Variants in SLC2A14 observed in about 807,000 individuals in gnomAD.
The protein encoded by SLC2A14 is solute carrier family 2, facilitated glucose transporter member 14.
SLC2A14 carries 13 observed loss-of-function variants against 43.0 expected under a neutral mutation model. The ratio of observed to expected loss-of-function variants is 0.30; its 90% confidence interval spans 0.20 to 0.48. SLC2A14 has a LOEUF of 0.48. SLC2A14 is among the 20% of genes least tolerant of loss of function. The probability of loss-of-function intolerance (pLI) is 0.99; values close to 1 mark genes in which losing one functional copy is unlikely to be tolerated. For synonymous variants in SLC2A14, 190 were observed against 233.8 expected (o/e 0.81, Z 1.71); for missense variants, 428 against 620.4 (o/e 0.69, Z 3.29).
chr12:7,875,751 T>C (rs1945453316), upstream of SLC2A14, among the ~76,000 whole-genome samples: 1 of 151,984 alleles, frequency 6.6e-6, no homozygotes, highest in Non-Finnish European at 1.5e-5. Flanking sequence ...AGCAGGTGGA[T>C]TACCTGAGGT....
chr12:7,882,513 T>TA (rs1252565838), intron 1 of SLC2A14, among the ~76,000 whole-genome samples: 3 of 151,974 alleles, frequency 2.0e-5, no homozygotes, highest in South Asian at 4.2e-4. Context: ...GAGCGAAACT[T>TA]ACCTCTCAAA....
At chr12:7,849,203 T>C (rs1254145829) in intron 2 of SLC2A14, among the ~76,000 whole-genome samples, 4 of 152,118 alleles carry the variant, frequency 2.6e-5, no homozygotes, top group African/African-American at 9.7e-5. Context: ...AGATAACATC[T>C]TGATAAAAAC....
intron 10 of SLC2A14, among the ~76,000 whole-genome samples, chr12:7,816,884 G>T (rs4447244): frequency 0.76 from 114,712 of 151,638 alleles, 43,641 homozygotes; most frequent in African/African-American, 0.82. Context: ...ATTTTTGTAT[G>T]TTTAGCAGAG....
upstream of SLC2A14, chr12:7,891,155 G>A (rs1408274152): frequency 5.9e-6 from 9 of 1,527,348 alleles, no homozygotes; most frequent in African/African-American, 1.4e-5. Flanking sequence ...TTGTGTGGGA[G>A]CAAAGCCAGC....
chr12:7,880,035 G>A (rs1945538413), intron 1 of SLC2A14, among the ~76,000 whole-genome samples: 1 of 151,208 alleles, frequency 6.6e-6, no homozygotes, highest in South Asian at 2.1e-4. Flanking sequence ...GGGCATCATG[G>A]CTCACACCTA....
At chr12:7,836,129 C>T (rs575399884) in intron 2 of SLC2A14, among the ~76,000 whole-genome samples, 9 of 152,098 alleles carry the variant, frequency 5.9e-5, no homozygotes, top group African/African-American at 1.7e-4. Flanking sequence ...AAATTTGAAT[C>T]GTGTCAGAGT....
chr12:7,826,973 CTCTT>C (rs1453292631), intron 7 of SLC2A14, among the ~76,000 whole-genome samples: 6 of 35,252 alleles, frequency 1.7e-4, no homozygotes, highest in African/African-American at 3.6e-4. Context: ...CTTTCTCTCT[CTCTT>C]TCTCTCCTTT....
chr12:7,864,937 C>T (rs1439484163), intron 2 of SLC2A14, among the ~76,000 whole-genome samples: 2 of 152,072 alleles, frequency 1.3e-5, no homozygotes, highest in Non-Finnish European at 2.9e-5. Flanking sequence ...TCAAATTTAC[C>T]GTAAAGAGGC....
At chr12:7,860,371 G>C (rs1224021310) in intron 2 of SLC2A14, 2 of 152,194 alleles carry the variant, frequency 1.3e-5, no homozygotes, top group Admixed American at 6.5e-5. Flanking sequence ...GGGGCTCTTG[G>C]AGGGACAGCC....
intron 8 of SLC2A14, among the ~76,000 whole-genome samples, chr12:7,820,325 T>C (rs1483561553): frequency 1.3e-5 from 2 of 152,036 alleles, no homozygotes; most frequent in South Asian, 2.1e-4. Flanking sequence ...TGAGCCACTG[T>C]AGCAAATTAA....
At position 7,821,320 on chromosome 12, in the gene SLC2A14, G is replaced by A. The variant is rs1378589089; in HGVS notation, c.870C>T (p.Phe290=). The A allele has an allele frequency of 1.2e-6, 2 of 1,612,528 alleles. No individual in the cohort carries two copies. The change falls in exon 8 of 11, where the codon TTC becomes TTT. Residue 290 remains phenylalanine, a synonymous_variant. Coordinates refer to ENST00000431042, the MANE Select transcript of SLC2A14 (RefSeq NM_001286234.2). The stretch of plus-strand genomic sequence containing the variant: ...CCTTGAAGATTCCTGTTGAGTAATA[G>A]AACACCTAGGAGAAAAGAAAACATG... ...SQQLSGINAV[F]YYSTGIFKDA...
intron 2 of SLC2A14, among the ~76,000 whole-genome samples, chr12:7,853,608 A>G (rs1437835161): frequency 1.3e-5 from 2 of 152,046 alleles, no homozygotes; most frequent in Non-Finnish European, 2.9e-5. Context: ...TCAAGAAAAG[A>G]AAAAGAAAGA....
chr12:7,874,788 A>AATT (rs1945394187), upstream of SLC2A14, among the ~76,000 whole-genome samples: 2 of 48,850 alleles, frequency 4.1e-5, no homozygotes, highest in South Asian at 1.0e-3. Flanking sequence ...TAAATATATA[A>AATT]ATATATAAAT....
intron 2 of SLC2A14, among the ~76,000 whole-genome samples, chr12:7,850,540 C>T (rs763879071): frequency 6.6e-5 from 10 of 152,012 alleles, no homozygotes; most frequent in Non-Finnish European, 1.2e-4. Context: ...GGATTACAGG[C>T]GTGCACCACC....
At chr12:7,855,947 C>G (rs1025558069) in intron 2 of SLC2A14, among the ~76,000 whole-genome samples, 10 of 151,862 alleles carry the variant, frequency 6.6e-5, no homozygotes, top group Non-Finnish European at 1.5e-4. Context: ...CAAAAGCTCC[C>G]TCTCAATGCA....
At chr12:7,832,674 G>A in intron 3 of SLC2A14, 48 bp downstream of exon 3, 3 of 1,597,560 alleles carry the variant, frequency 1.9e-6, no homozygotes, top group Non-Finnish European at 2.6e-6. Context: ...CTACTTAAAG[G>A]AATAATTTCC....
In SLC2A14 at chr12:7,872,859, C is replaced by T; in HGVS notation, c.-110G>A. The T allele has an allele frequency of 1.0e-6, 1 of 985,582 alleles. No individual in the cohort carries two copies. The highest frequency in any genetic ancestry group is 1.2e-6 in the Non-Finnish European group (1 of 830,064). The allele number at this position is 985,582 out of a possible 1,614,324, so 61.1% of individuals were successfully genotyped here. ...CCCCGCGGCTTCGCTCAACCACGCA[C>T]CTCCCGGGCCGCTGCGCCCCCGCCG... On this transcript the variant is annotated 5_prime_UTR_variant, in exon 1 of 11. In the 5' UTR this introduces an upstream ATG that the reference lacks. Transcript: ENST00000431042.
intron 10 of SLC2A14, among the ~76,000 whole-genome samples, chr12:7,815,267 A>T (rs1326488196): frequency 6.6e-6 from 1 of 151,602 alleles, no homozygotes. Flanking sequence ...AAAAAAAAAA[A>T]TTGCTGGGAG....
At chr12:7,864,667 T>C (rs1944812340) in intron 2 of SLC2A14, among the ~76,000 whole-genome samples, 3 of 152,146 alleles carry the variant, frequency 2.0e-5, no homozygotes, top group Admixed American at 2.0e-4. Context: ...TCTTTTACTA[T>C]AACACAGGCA....
Sources: allele counts gnomAD v4.1 joint callset (sites outside exome capture counted in the v4.1 genomes callset), GRCh38; gene constraint gnomAD v4.1.1; transcripts MANE v1.5; gene names NCBI Gene and HGNC (gene_info 2026-07-23, HGNC 2026-07-21).